The following AXIN2 variants were observed in gnomAD, a reference collection of about 807,000 sequenced individuals.
AXIN2 encodes the protein axin 2, also known as axin-2.
In AXIN2, 21 loss-of-function variants were observed where a neutral mutation model predicts 74.7. The ratio of observed to expected loss-of-function variants is 0.28; its 90% confidence interval spans 0.20 to 0.40. AXIN2 has a LOEUF of 0.40. AXIN2 is among the 10% of genes least tolerant of loss of function. The pLI, the probability that AXIN2 is intolerant of heterozygous loss-of-function variation, is 1.00. For missense variants in AXIN2, 1,144 were observed against 1,111.1 expected, an observed-to-expected ratio of 1.03 and a Z score of -0.42; for synonymous variants, 532 against 454.9, an observed-to-expected ratio of 1.17 and a Z score of -2.16.
chr17:65,535,245 C>T (rs1162675079), intron 9 of AXIN2, among the ~76,000 whole-genome samples: 7 of 152,180 alleles, frequency 4.6e-5, no homozygotes, highest in African/African-American at 1.7e-4. Flanking sequence ...AACAAAAACA[C>T]AAGGATGGTC....
chr17:65,557,821 A>G lies in AXIN2; in HGVS notation c.800T>C (p.Val267Ala). The G allele has an allele frequency of 6.2e-7, 1 of 1,614,166 alleles. No individual in the cohort carries two copies. Among genetic ancestry groups the G allele is most frequent in the Non-Finnish European group, 8.5e-7 (1 of 1,180,030 alleles). Residue 267 changes from valine to alanine, a missense_variant, in exon 2 of 11, where the codon GTT (valine) becomes GCT (alanine). Physicochemically the swap from Val to Ala is moderately conservative, Grantham distance 64 (BLOSUM62 0). Around this residue, in one of 4 missense-constraint regions of AXIN2, gnomAD observed 1,053 missense variants for 973.5 expected, o/e 1.08. Coordinates refer to ENST00000307078, the MANE Select transcript of AXIN2 (RefSeq NM_004655.4). ...ATASVRSTETVDSGYRSFKRS... is the reference protein window; with the variant it reads ...ATASVRSTETADSGYRSFKRS... ...AAAGTCTTACCTGTATCCACTGTCA[A>G]CAGTTTCCGTGGACCTCACACTCGC...
In AXIN2 at chr17:65,536,316, T is replaced by C. The variant is rs376613525; in HGVS notation, c.2141+4A>G. 15 of 1,606,446 alleles carry C rather than the reference T, an allele frequency of 9.3e-6. No homozygotes were observed. The highest frequency in any genetic ancestry group is 4.5e-5 in the South Asian group (4 of 89,786). On this transcript the variant is annotated splice_donor_region_variant and intron_variant, in intron 8 of 10. Transcript: ENST00000307078. ...TCAACCTAGGACCCTTCACTTCCAC[T>C]CACCGCTGCTTTGGGGGCTTCGACA... is the stretch of plus-strand genomic sequence containing the variant.
In AXIN2 at chr17:65,535,672, G is replaced by C. The variant is rs2043899828; in HGVS notation, c.2191C>G (p.Gln731Glu). 1 of 1,614,224 alleles carries C rather than the reference G, an allele frequency of 6.2e-7. No individual in the cohort carries two copies. The highest frequency in any genetic ancestry group is 8.5e-7 in the Non-Finnish European group (1 of 1,180,048). The stretch of plus-strand genomic sequence containing the variant: ...TTGGAGAAGGGTGTGGCTCCCGTCT[G>C]AACAGTGGCCGAATGATTCCTGTCC... The part of the protein sequence containing the change: ...QRDRNHSATV[Q>E]TGATPFSNPS... The change falls in exon 9 of 11, where the codon CAG becomes GAG. Residue 731 changes from glutamine (Q) to glutamate (E), a missense_variant. Transcript: ENST00000307078.
intron 10 of AXIN2, among the ~76,000 whole-genome samples, chr17:65,533,038 G>T (rs976026706): frequency 6.6e-6 from 1 of 152,212 alleles, no homozygotes; most frequent in African/African-American, 2.4e-5. Flanking sequence ...ATGAACTGAG[G>T]CAGAGTCATC....
At chr17:65,559,045 C>A (rs1052257964) in intron 1 of AXIN2, among the ~76,000 whole-genome samples, 1 of 152,058 alleles carries the variant, frequency 6.6e-6, no homozygotes, top group African/African-American at 2.4e-5. Flanking sequence ...GTGTAAGACA[C>A]AACCTTCCAA....
At chr17:65,533,812 G>GC in intron 10 of AXIN2, 100 bp downstream of exon 10, 4 of 610,174 alleles carry the variant, frequency 6.6e-6, no homozygotes, top group East Asian at 1.2e-4. Flanking sequence ...CTCCCACCCT[G>GC]CCCCACCTAG....
In AXIN2 at chr17:65,529,945, C is replaced by G. The variant is rs761808180; in HGVS notation, c.*31G>C. The G allele has an allele frequency of 5.6e-6, 9 of 1,614,022 alleles. No homozygotes were observed. The highest frequency in any genetic ancestry group is 6.8e-6 in the Non-Finnish European group (8 of 1,179,976). ...AGACAGTTCACAAGAGCTTCGGGCT[C>G]CAACAGTTCACCAAAGCCAGACCCC... On this transcript the variant is annotated 3_prime_UTR_variant, in exon 11 of 11. Coordinates refer to ENST00000307078, the MANE Select transcript of AXIN2 (RefSeq NM_004655.4).
At chr17:65,545,314 C>T (rs2044102839) in intron 3 of AXIN2, among the ~76,000 whole-genome samples, 3 of 152,204 alleles carry the variant, frequency 2.0e-5, no homozygotes, top group South Asian at 2.1e-4. Context: ...TCCTTCTAAG[C>T]CTGATGCCCT....
rs574094609 is a variant in AXIN2, at chr17:65,542,619, A to C, written c.957-1062T>G. ...AACATTAACAAGTAGAAGAATTTTT[A>C]AAAAGCTGCCACTCCAGCTAGTGTT... On this transcript the variant is annotated intron_variant, in intron 3 of 10. Coordinates refer to ENST00000307078, the MANE Select transcript of AXIN2 (RefSeq NM_004655.4). Among the ~76,000 whole-genome samples, 37 of 152,338 alleles carry C rather than the reference A, an allele frequency of 2.4e-4. No homozygotes were observed. In the South Asian group the frequency reaches 7.5e-3, roughly 31 times the overall value.
At chr17:65,534,176 T>A in intron 9 of AXIN2, 97 bp from the exon 10 acceptor site, 1 of 1,450,048 alleles carries the variant, frequency 6.9e-7, no homozygotes, top group Non-Finnish European at 9.7e-7. Flanking sequence ...AGTGACAGGG[T>A]ATCCAAACAC....
chr17:65,538,077 G>T (rs911956800), intron 5 of AXIN2, 126 bp downstream of exon 5: 3 of 1,529,364 alleles, frequency 2.0e-6, no homozygotes, highest in African/African-American at 1.4e-5. Flanking sequence ...CCCACACGCA[G>T]CCCACGCGCA....
rs188003998 is a variant in AXIN2 at position 65,537,437 on chromosome 17, C to T, written c.1599G>A (p.Ala533=). The T allele has an allele frequency of 2.4e-5, 38 of 1,614,004 alleles. No homozygotes were observed. The South Asian group carries it at 3.5e-4, about 15-fold the overall frequency. The change falls in exon 6 of 11, where the codon GCG becomes GCA. Residue 533 remains alanine (A), a synonymous_variant. Transcript: ENST00000307078. ...AVPKTKEEIE[A]EATQRVHCFC... ...AGCAGTGCACCCGCTGCGTGGCCTC[C>T]GCCTCGATCTCCTCCTTGGTCTTGG...
At chr17:65,556,520 C>A (rs1347233056) in intron 2 of AXIN2, among the ~76,000 whole-genome samples, 2 of 152,222 alleles carry the variant, frequency 1.3e-5, no homozygotes, top group Non-Finnish European at 2.9e-5. Context: ...CCTGGTTCCA[C>A]TTAGGTGTAG....
At chr17:65,550,421 G>A (rs1041840431) in intron 2 of AXIN2, among the ~76,000 whole-genome samples, 1 of 152,144 alleles carries the variant, frequency 6.6e-6, no homozygotes, top group Non-Finnish European at 1.5e-5. Context: ...TGTTTCAATG[G>A]CCTCTGGCTC....
chr17:65,530,393 CTG>C (rs942486178), intron 10 of AXIN2, among the ~76,000 whole-genome samples: 1 of 152,194 alleles, frequency 6.6e-6, no homozygotes, highest in Non-Finnish European at 1.5e-5. Flanking sequence ...CACGTATACA[CTG>C]TGAAAAGCAG....
At position 65,537,769 on chromosome 17, in the gene AXIN2, G is replaced by A. The variant is rs376630432; in HGVS notation, c.1267C>T (p.Leu423Phe). 188 of 1,586,364 alleles carry A rather than the reference G, an allele frequency of 1.2e-4. 2 individuals carry two copies. In the South Asian group the frequency reaches 1.9e-3, roughly 16 times the overall value. ...TAGCTGCCGGAGGGCAGTAGGGAGA[G>A]GGGGTGCTGCGTGGGCGCCCCCTCC... ...SREGAPTQHP[L>F]SLLPSGSYEE... The change falls in exon 6 of 11, where the codon CTC (leucine) becomes TTC (phenylalanine). Residue 423 changes from leucine to phenylalanine, a missense_variant. Physicochemically the swap from Leu to Phe is conservative, Grantham distance 22. Transcript: ENST00000307078.
rs1241335991 is a variant in AXIN2 at position 65,533,654 on chromosome 17, G to A, written c.2405+258C>T. Among the ~76,000 whole-genome samples, 3 of 152,154 alleles carry A rather than the reference G, an allele frequency of 2.0e-5. No homozygotes were observed. The South Asian group carries it at 6.2e-4, about 32-fold the overall frequency. ...GCTGCTCCTTTTCTCTCCTCAGTCT[G>A]GTTCACCTGGTGGAAAGAGCCTGGC... On this transcript the variant is annotated intron_variant, in intron 10 of 10. Transcript: ENST00000307078.
In AXIN2 at chr17:65,550,890, C is replaced by CGCTCAGTGT. The variant is rs201965226; in HGVS notation, c.816-1239_816-1231dup. Reference sequence around the variant, plus strand: ...CTGTGGGGGTGTCATGAGGGAGGTACGCTCAGTGTTATCACAGGCTCACGA... The same window carrying CGCTCAGTGT: ...CTGTGGGGGTGTCATGAGGGAGGTACGCTCAGTGTGCTCAGTGTTATCACAGGCTCACGA... On this transcript the variant is annotated intron_variant, in intron 2 of 10. Transcript: ENST00000307078. Among the ~76,000 whole-genome samples the CGCTCAGTGT allele has an allele frequency of 2.8e-3, 429 of 152,184 alleles. 5 individuals are homozygous for CGCTCAGTGT. The highest frequency in any genetic ancestry group is 9.7e-3 in the African/African-American group (403 of 41,522).
At position 65,530,000 on chromosome 17, in the gene AXIN2, C is replaced by T. The variant is rs1598089930; in HGVS notation, c.2508G>A (p.Leu836=). 1 of 1,614,190 alleles carries T rather than the reference C, an allele frequency of 6.2e-7. No individual in the cohort carries two copies. Among genetic ancestry groups the T allele is most frequent in the Non-Finnish European group, 8.5e-7 (1 of 1,180,032 alleles). Reference sequence around the variant, plus strand: ...CTCAATCGATCCGCTCCACTTTGCCCAGAATCCGGCCTTCATACATCGGGA... The same window carrying T: ...CTCAATCGATCCGCTCCACTTTGCCTAGAATCCGGCCTTCATACATCGGGA... ...TVLPMYEGRI[L]GKVERID is the part of the protein sequence containing the mutation. The change falls in exon 11 of 11, where the codon CTG becomes CTA. Residue 836 remains leucine, a synonymous_variant. Coordinates refer to ENST00000307078, the MANE Select transcript of AXIN2 (RefSeq NM_004655.4).
Sources: allele counts gnomAD v4.1 joint callset (sites outside exome capture counted in the v4.1 genomes callset), GRCh38; gene constraint gnomAD v4.1.1; regional missense constraint gnomAD v4.1.1; transcripts MANE v1.5; gene names NCBI Gene and HGNC (gene_info 2026-07-23, HGNC 2026-07-21).